The following AGL variants were observed in gnomAD, a reference collection of about 807,000 sequenced individuals.
AGL encodes glycogen debranching enzyme.
In AGL, 128 loss-of-function variants were observed where a neutral mutation model predicts 199.3. That is an observed-to-expected ratio of 0.64 (90% CI 0.56 to 0.74). The LOEUF (loss-of-function observed/expected upper bound fraction) is 0.74, where lower values mean the gene tolerates loss of function less well. Ranked by LOEUF, AGL falls within the 30% of genes least tolerant of loss-of-function variation. The pLI is 0.00. For synonymous variants in AGL, 584 were observed against 594.7 expected (o/e 0.98, Z 0.26); for missense variants, 1,809 against 1,820.8 (o/e 0.99, Z 0.12).
chr1:99,873,213 A>G (rs1363308945), intron 7 of AGL, among the ~76,000 whole-genome samples: 3 of 152,060 alleles, frequency 2.0e-5, no homozygotes, highest in Non-Finnish European at 4.4e-5. Context: ...ATTTAACTTG[A>G]TTTGTATTTT....
intron 24 of AGL, among the ~76,000 whole-genome samples, chr1:99,894,594 C>T (rs552643955): frequency 3.9e-5 from 6 of 152,140 alleles, no homozygotes; most frequent in South Asian, 4.2e-4. Context: ...AATTTTGTAC[C>T]GTCATTTTGG....
intron 25 of AGL, among the ~76,000 whole-genome samples, chr1:99,897,883 A>G (rs1439259707): frequency 6.6e-6 from 1 of 152,236 alleles, no homozygotes; most frequent in East Asian, 1.9e-4. Flanking sequence ...CAGTTCATAA[A>G]TGTTAGTTTT....
rs189169791 is a variant in AGL, at chr1:99,895,753, T to A, written c.3260-533T>A. ...ACTTTGGGAAAGCAAGTTGGGCAGA[T>A]CACTTGAGCTCAGGAGTTCAAGACC... On this transcript the variant is annotated intron_variant, in intron 24 of 33. Coordinates refer to ENST00000361915, the MANE Select transcript of AGL (RefSeq NM_000642.3). Among the ~76,000 whole-genome samples the A allele has an allele frequency of 8.8e-4, 134 of 152,312 alleles. 1 individual carries two copies. Among genetic ancestry groups the A allele is most frequent in the African/African-American group, 3.1e-3 (129 of 41,564 alleles).
At position 99,896,232 on chromosome 1, in the gene AGL, G is replaced by A. The variant is rs1050692863; in HGVS notation, c.3260-54G>A. 8.4e-6 allele frequency: 12 copies of A among 1,425,982 alleles called. No individual in the cohort carries two copies. The Admixed American group carries it at 1.2e-4, about 14-fold the overall frequency. The allele number at this position is 1,425,982 out of a possible 1,614,324, so 88.3% of individuals were successfully genotyped here. On this transcript the variant is annotated intron_variant, in intron 24 of 33. Transcript: ENST00000361915. ...TGTTCTATAGTAATGGAGTTCATAGGTTTGTGTGTATTATTATGATTAACA... is the reference window on the plus strand; with the variant it reads ...TGTTCTATAGTAATGGAGTTCATAGATTTGTGTGTATTATTATGATTAACA...
chr1:99,885,738 C>T (rs559225553), intron 20 of AGL, among the ~76,000 whole-genome samples: 1 of 152,116 alleles, frequency 6.6e-6, no homozygotes, highest in Admixed American at 6.5e-5. Flanking sequence ...TTGCCATCAC[C>T]CCCATATGGG....
Position 99,900,080 on chromosome 1 carries a change from C to T in AGL, c.3363-556C>T, listed in dbSNP as rs556564791. ...GAGTAGCTGGGACTACAGGCACGCA[C>T]CACCATTCCTGGCTTATTTTTGTAT... On this transcript the variant is annotated intron_variant, in intron 25 of 33. Transcript: ENST00000361915. Among the ~76,000 whole-genome samples, 11 of 152,096 alleles carry T rather than the reference C, an allele frequency of 7.2e-5. 1 individual carries two copies. In the South Asian group the frequency reaches 2.3e-3, roughly 32 times the overall value.
intron 2 of AGL, among the ~76,000 whole-genome samples, chr1:99,857,983 CAAAA>C (rs907027630): frequency 2.0e-5 from 3 of 152,040 alleles, no homozygotes; most frequent in African/African-American, 7.2e-5. Context: ...AAGTTACAAA[CAAAA>C]AAGGCATACT....
At chr1:99,866,826 A>T (rs1362013630) in intron 5 of AGL, among the ~76,000 whole-genome samples, 17 of 148,768 alleles carry the variant, frequency 1.1e-4, no homozygotes, top group South Asian at 2.1e-4. Flanking sequence ...TATTTATTTT[A>T]TTTTTTTTTG....
chr1:99,915,294 G>C, intron 30 of AGL, 95 bp from the exon 31 acceptor site: 2 of 1,026,738 alleles, frequency 1.9e-6, no homozygotes, highest in East Asian at 4.9e-5. Context: ...GGTATTTTAA[G>C]TAATTTTTTT....
At position 99,881,327 on chromosome 1, in the gene AGL, G is replaced by T. The variant is rs1570445004; in HGVS notation, c.2037G>T (p.Lys679Asn). ...TTTCTGAAGAACGGTTTTACACTAA[G>T]TGGAATCCTGAAGCATTGCCTTCAA... ...SVVSEERFYT[K>N]WNPEALPSNT... The change falls in exon 16 of 34, where the codon AAG becomes AAT. Residue 679 changes from lysine to asparagine, a missense_variant. Lys to Asn is a moderately conservative substitution (Grantham distance 94). Transcript: ENST00000361915. 1 of 1,614,090 alleles carries T rather than the reference G, an allele frequency of 6.2e-7. No individual in the cohort carries two copies. Among genetic ancestry groups the T allele is most frequent in the African/African-American group, 1.3e-5 (1 of 75,052 alleles).
chr1:99,870,705 A>C, intron 6 of AGL, 53 bp from the exon 7 acceptor site: 1 of 1,424,800 alleles, frequency 7.0e-7, no homozygotes, highest in Non-Finnish European at 9.8e-7. Flanking sequence ...TGCTTAACTG[A>C]TTTTAAATAA....
intron 2 of AGL, among the ~76,000 whole-genome samples, chr1:99,851,395 T>C (rs528619718): frequency 1.3e-5 from 2 of 152,346 alleles, no homozygotes; most frequent in African/African-American, 2.4e-5. Context: ...AAGTTAAATA[T>C]ATGATCAGAA....
chr1:99,874,883 C>CA, intron 8 of AGL, 73 bp downstream of exon 8: 1 of 1,522,516 alleles, frequency 6.6e-7, no homozygotes, highest in Non-Finnish European at 9.1e-7. Flanking sequence ...GATTTTCATA[C>CA]TACTTATTAA....
chr1:99,884,293 T>C, intron 18 of AGL, 46 bp from the exon 19 acceptor site: 1 of 1,612,394 alleles, frequency 6.2e-7, no homozygotes, highest in Non-Finnish European at 8.5e-7. Flanking sequence ...TTAAGAACAT[T>C]AGAACTATTT....
chr1:99,862,134 G>T (rs1650090748), intron 3 of AGL, 123 bp from the exon 4 acceptor site: 4 of 1,036,862 alleles, frequency 3.9e-6, no homozygotes, highest in Non-Finnish European at 5.9e-6. Context: ...ATGATTTTAT[G>T]TGCTTAGAAA....
At chr1:99,906,337 G>A (rs1654289696) in intron 27 of AGL, among the ~76,000 whole-genome samples, 1 of 152,160 alleles carries the variant, frequency 6.6e-6, no homozygotes, top group African/African-American at 2.4e-5. Flanking sequence ...CAGCCATGTT[G>A]TAGCAGATGT....
intron 27 of AGL, 85 bp from the exon 28 acceptor site, chr1:99,910,626 TA>T: frequency 1.5e-6 from 1 of 689,076 alleles, no homozygotes; most frequent in Non-Finnish European, 2.0e-6. Context: ...TTATTATATT[TA>T]AAATTTTGTA....
chr1:99,861,726 TTTTG>T lies in AGL; in HGVS notation c.293+19_293+22del, dbSNP rs2101085303. On this transcript the variant is annotated intron_variant, in intron 3 of 33. Transcript: ENST00000361915. The stretch of plus-strand genomic sequence containing the variant: ...ATTTCCTTCAAGGGTAAGTCAGGTG[TTTTG>T]TTTGTGAGAAAAAAAGTTAATTTGT... 1.2e-6 allele frequency: 2 copies of T among 1,612,960 alleles called. No individual in the cohort carries two copies. The highest frequency in any genetic ancestry group is 1.7e-6 in the Non-Finnish European group (2 of 1,179,422).
intron 28 of AGL, among the ~76,000 whole-genome samples, chr1:99,911,971 T>A (rs1313552560): frequency 3.9e-5 from 6 of 152,278 alleles, no homozygotes; most frequent in African/African-American, 1.4e-4. Flanking sequence ...ACCAGTTTTT[T>A]AAAAATCTAT....
Sources: allele counts gnomAD v4.1 joint callset (sites outside exome capture counted in the v4.1 genomes callset), GRCh38; gene constraint gnomAD v4.1.1; transcripts MANE v1.5; gene names NCBI Gene and HGNC (gene_info 2026-07-23, HGNC 2026-07-21).